SDK1: variants seen among roughly 807,000 people sequenced by gnomAD.
SDK1 encodes the protein sidekick cell adhesion molecule 1.
In SDK1, 157 loss-of-function variants were observed where a neutral mutation model predicts 245.5. The ratio of observed to expected loss-of-function variants is 0.64; its 90% CI spans 0.56 to 0.73. The LOEUF is 0.73. Ranked by LOEUF, SDK1 falls within the 30% of genes least tolerant of loss-of-function variation. The pLI, the probability that SDK1 is intolerant of heterozygous loss-of-function variation, is 0.00. For missense variants in SDK1, 3,583 were observed against 3,002.3 expected, an observed-to-expected ratio of 1.19 and a Z score of -4.52; for synonymous variants, 1,647 against 1,278.5, an observed-to-expected ratio of 1.29 and a Z score of -6.15.
intron 17 of SDK1, among the ~76,000 whole-genome samples, chr7:4,034,422 T>C (rs1273403582): frequency 1.3e-5 from 2 of 152,216 alleles, no homozygotes; most frequent in East Asian, 3.8e-4. Flanking sequence ...TGGAAGTACA[T>C]ACTCCAGTAT....
intron 1 of SDK1, among the ~76,000 whole-genome samples, chr7:3,505,802 G>A (rs187569578): frequency 2.3e-3 from 354 of 152,280 alleles, no homozygotes; most frequent in Non-Finnish European, 3.5e-3. Flanking sequence ...ACATTCTGCA[G>A]GGACAACTGC....
intron 28 of SDK1, among the ~76,000 whole-genome samples, chr7:4,134,481 A>G (rs1016070950): frequency 5.3e-5 from 8 of 152,274 alleles, no homozygotes; most frequent in Non-Finnish European, 1.0e-4. Context: ...GCAGGCCCTA[A>G]CCTCAGCACA....
At chr7:3,852,634 C>A (rs1416844377) in intron 5 of SDK1, among the ~76,000 whole-genome samples, 1 of 150,498 alleles carries the variant, frequency 6.6e-6, no homozygotes, top group Non-Finnish European at 1.5e-5. Context: ...ACCTGTAGTC[C>A]CAGCTACTCG....
In SDK1 at chr7:3,638,998, C is replaced by G. The variant is rs1253678524; in HGVS notation, c.459-6C>G. 2 of 1,577,006 alleles carry G rather than the reference C, an allele frequency of 1.3e-6. No homozygotes were observed. The highest frequency in any genetic ancestry group is 1.3e-5 in the African/African-American group (1 of 74,404). On this transcript the variant is annotated splice_polypyrimidine_tract_variant and splice_region_variant and intron_variant, in intron 2 of 44. Transcript: ENST00000404826. Reference sequence around the variant, plus strand: ...AGCATTAACACTTCTTTTTGCTATTCAACAGGTACATTATTCCATCTTTGC... The same window carrying G: ...AGCATTAACACTTCTTTTTGCTATTGAACAGGTACATTATTCCATCTTTGC...
intron 20 of SDK1, among the ~76,000 whole-genome samples, chr7:4,073,119 T>A (rs1780365844): frequency 6.6e-6 from 1 of 152,178 alleles, no homozygotes; most frequent in Non-Finnish European, 1.5e-5. Flanking sequence ...TGGGAGCAGG[T>A]AGGATGCCAA....
At chr7:4,127,203 C>G (rs970542872) in intron 25 of SDK1, among the ~76,000 whole-genome samples, 178 bp from the exon 26 acceptor site, 1 of 152,220 alleles carries the variant, frequency 6.6e-6, no homozygotes, top group Middle Eastern at 3.4e-3. Context: ...GAATTTGTTG[C>G]TAATATTAAA....
At chr7:3,518,487 GAAA>G (rs5881988) in intron 1 of SDK1, among the ~76,000 whole-genome samples, 2 of 145,936 alleles carry the variant, frequency 1.4e-5, no homozygotes, top group East Asian at 2.0e-4. Flanking sequence ...CATCTGAACA[GAAA>G]AAAAAAAGAA....
chr7:3,830,557 A>T lies in SDK1; in HGVS notation c.847+8974A>T, dbSNP rs535200183. Among the ~76,000 whole-genome samples the T allele has an allele frequency of 6.4e-4, 97 of 152,212 alleles. 3 individuals carry two copies. In the South Asian group the frequency reaches 0.019, roughly 30 times the overall value. On this transcript the variant is annotated intron_variant, in intron 5 of 44. Transcript: ENST00000404826. ...GTCACCCAGGCTGGAGTGCAGTGGC[A>T]CATTCATGGCTCACCACAGTCTCAA... is the stretch of plus-strand genomic sequence containing the variant.
chr7:3,977,665 G>C (rs552700966), intron 13 of SDK1, among the ~76,000 whole-genome samples: 3 of 152,226 alleles, frequency 2.0e-5, no homozygotes, highest in Non-Finnish European at 4.4e-5. Context: ...GATGCTGCCT[G>C]CAGTTCTTCC....
At chr7:3,997,211 C>T (rs1052901973) in intron 14 of SDK1, among the ~76,000 whole-genome samples, 3 of 152,086 alleles carry the variant, frequency 2.0e-5, no homozygotes, top group African/African-American at 7.2e-5. Context: ...TGGCTGGTGG[C>T]GGTTTTGTCC....
At chr7:3,751,480 A>C (rs892740422) in intron 4 of SDK1, among the ~76,000 whole-genome samples, 2 of 151,636 alleles carry the variant, frequency 1.3e-5, no homozygotes, top group Non-Finnish European at 2.9e-5. Flanking sequence ...GGAGGGAGGA[A>C]TGGGGAGCAG....
intron 5 of SDK1, among the ~76,000 whole-genome samples, chr7:3,870,929 C>G (rs772843054): frequency 6.6e-6 from 1 of 152,148 alleles, no homozygotes; most frequent in Non-Finnish European, 1.5e-5. Context: ...TGGAAGGGTA[C>G]TGGTCAGTTA....
intron 22 of SDK1, among the ~76,000 whole-genome samples, chr7:4,103,398 T>C (rs896047942): frequency 2.0e-5 from 3 of 152,358 alleles, no homozygotes; most frequent in African/African-American, 7.2e-5. Context: ...GAACATTCTT[T>C]CTTGGCCTTG....
chr7:3,500,153 C>T (rs760656968), intron 1 of SDK1, among the ~76,000 whole-genome samples: 12 of 151,952 alleles, frequency 7.9e-5, no homozygotes, highest in South Asian at 4.2e-4. Context: ...GTCACATTGC[C>T]GAAATGTGGG....
At chr7:3,618,286 C>T (rs2128644441) in intron 1 of SDK1, among the ~76,000 whole-genome samples, 2 of 152,298 alleles carry the variant, frequency 1.3e-5, no homozygotes, top group Non-Finnish European at 2.9e-5. Flanking sequence ...TAAGCCATCC[C>T]ATTACCTTCA....
intron 5 of SDK1, among the ~76,000 whole-genome samples, chr7:3,824,296 G>A (rs1162449153): frequency 6.6e-6 from 1 of 152,092 alleles, no homozygotes; most frequent in Non-Finnish European, 1.5e-5. Flanking sequence ...ACAAGATTGA[G>A]GAAAATTTGT....
rs551253287 is a variant in SDK1 at position 4,191,189 on chromosome 7, C to T, written c.5098+12603C>T. Among the ~76,000 whole-genome samples, 26 of 152,144 alleles carry T rather than the reference C, an allele frequency of 1.7e-4. No individual in the cohort carries two copies. The East Asian group carries it at 4.1e-3, about 24-fold the overall frequency. ...GCGGTCACAGTGGGTGTCCTCATGG[C>T]CCCCAGGCCCTCCCCCGCCGCAGTC... is the stretch of plus-strand genomic sequence containing the variant. On this transcript the variant is annotated intron_variant, in intron 35 of 44. Transcript: ENST00000404826.
intron 1 of SDK1, among the ~76,000 whole-genome samples, chr7:3,577,027 C>A (rs1056072300): frequency 6.6e-6 from 1 of 151,894 alleles, no homozygotes; most frequent in African/African-American, 2.4e-5. Context: ...TTGTGGCCAC[C>A]CCCTGACATG....
At chr7:3,405,521 C>A (rs963827068) in intron 1 of SDK1, among the ~76,000 whole-genome samples, 20 of 152,220 alleles carry the variant, frequency 1.3e-4, no homozygotes, top group Admixed American at 6.5e-5. Flanking sequence ...CCCAAAATCT[C>A]TGCCTGTCTT....
Sources: allele counts gnomAD v4.1 joint callset (sites outside exome capture counted in the v4.1 genomes callset), GRCh38; gene constraint gnomAD v4.1.1; transcripts MANE v1.5; gene names NCBI Gene and HGNC (gene_info 2026-07-23, HGNC 2026-07-21).